Variants in DIP2C observed in about 807,000 individuals in gnomAD.
The protein encoded by DIP2C is disco-interacting protein 2 homolog C.
DIP2C carries 33 observed loss-of-function variants against 192.4 expected under a neutral mutation model. That is an observed-to-expected ratio of 0.17 (90% confidence interval 0.13 to 0.23). The LOEUF (loss-of-function observed/expected upper bound fraction) is 0.23, where lower values mean the gene tolerates loss of function less well. DIP2C is among the 10% of genes least tolerant of loss of function. The pLI, the probability that DIP2C is intolerant of heterozygous loss-of-function variation, is 1.00. For missense variants in DIP2C, 1,537 were observed against 2,110.1 expected, an observed-to-expected ratio of 0.73 and a Z score of 5.32; for synonymous variants, 979 against 864.1, an observed-to-expected ratio of 1.13 and a Z score of -2.33.
Position 275,822 on chromosome 10 carries a change from C to T in DIP2C, c.*1503G>A, listed in dbSNP as rs766870468. On this transcript the variant is annotated 3_prime_UTR_variant, in exon 37 of 37. Transcript: ENST00000280886. ...GCCAGGGCAGAAACTGGGGCGCACT[C>T]GTCCACAGGCGGCAAACGACGCAGC... 8 of 152,332 alleles carry T rather than the reference C, an allele frequency of 5.3e-5. No homozygotes were observed. Among genetic ancestry groups the T allele is most frequent in the East Asian group, 1.9e-4 (1 of 5,166 alleles). 9.4% of individuals were successfully genotyped at this position (152,332 alleles called of 1,614,324 possible). A position where few individuals can be genotyped will look rare whatever the true frequency, so the allele number is the denominator to read the frequency against.
chr10:585,115 T>A (rs990205552), intron 1 of DIP2C, among the ~76,000 whole-genome samples: 1 of 152,158 alleles, frequency 6.6e-6, no homozygotes, highest in Admixed American at 6.5e-5. Flanking sequence ...TTGGACACCA[T>A]TCAAATGGTA....
At chr10:434,322 A>AG (rs1192879389) in intron 4 of DIP2C, among the ~76,000 whole-genome samples, 14 of 152,286 alleles carry the variant, frequency 9.2e-5, no homozygotes, top group Admixed American at 6.5e-4. Context: ...TCTGTTGCCC[A>AG]GGGTGGAGTA....
At chr10:417,711 A>AGG (rs1564684954) in intron 6 of DIP2C, among the ~76,000 whole-genome samples, 4 of 83,882 alleles carry the variant, frequency 4.8e-5, no homozygotes, top group Non-Finnish European at 2.5e-5. Flanking sequence ...TGTCGGCTCA[A>AGG]ATAGGCCTCC....
chr10:451,144 C>T (rs1358626037), intron 3 of DIP2C, among the ~76,000 whole-genome samples: 3 of 152,218 alleles, frequency 2.0e-5, no homozygotes, highest in African/African-American at 7.2e-5. Context: ...GTTCCTTCTA[C>T]ACCACATCCG....
intron 31 of DIP2C, among the ~76,000 whole-genome samples, chr10:319,251 G>A (rs1452201691): frequency 2.0e-5 from 3 of 152,112 alleles, no homozygotes; most frequent in Admixed American, 1.3e-4. Context: ...CTATTACTAG[G>A]GGGGCTGTAT....
chr10:303,642 G>C (rs1445299871), intron 32 of DIP2C, among the ~76,000 whole-genome samples: 1 of 151,884 alleles, frequency 6.6e-6, no homozygotes, highest in Non-Finnish European at 1.5e-5. Context: ...TCCTGCCTCA[G>C]CCTCCCTAGT....
chr10:485,075 C>T (rs188539839), intron 2 of DIP2C: 401 of 1,222,736 alleles, frequency 3.3e-4, no homozygotes, highest in African/African-American at 2.2e-3. Flanking sequence ...CCACAGGGCA[C>T]GACCGCCCTC....
intron 4 of DIP2C, among the ~76,000 whole-genome samples, chr10:437,343 G>T (rs1967346177): frequency 7.1e-6 from 1 of 139,974 alleles, no homozygotes; most frequent in East Asian, 2.2e-4. Context: ...ATGGTAGGGT[G>T]GCCATGCTCC....
intron 1 of DIP2C, among the ~76,000 whole-genome samples, chr10:532,217 T>C (rs1159888142): frequency 6.6e-6 from 1 of 152,140 alleles, no homozygotes; most frequent in Non-Finnish European, 1.5e-5. Flanking sequence ...TCACAGGGGC[T>C]CATCCTGGAA....
rs1959090766 is a variant in DIP2C, at chr10:356,525, A to G, written c.2905-19T>C. ...ACAGGAACTGGAACAGAGCACGGGC[A>G]TGAGGATCAGGCTGTGCGGTTGGAT... On this transcript the variant is annotated intron_variant, in intron 23 of 36. Coordinates refer to ENST00000280886, the MANE Select transcript of DIP2C (RefSeq NM_014974.3). 1.2e-6 allele frequency: 2 copies of G among 1,604,532 alleles called. No individual in the cohort carries two copies. The highest frequency in any genetic ancestry group is 1.3e-5 in the African/African-American group (1 of 74,766).
intron 31 of DIP2C, among the ~76,000 whole-genome samples, chr10:311,824 G>A (rs1404962889): frequency 1.3e-5 from 2 of 152,206 alleles, no homozygotes; most frequent in Non-Finnish European, 1.5e-5. Context: ...ACATATCCAC[G>A]GAGCAACAGA....
chr10:353,710 G>A (rs543824275), intron 24 of DIP2C, among the ~76,000 whole-genome samples: 9 of 152,104 alleles, frequency 5.9e-5, no homozygotes, highest in African/African-American at 1.9e-4. Flanking sequence ...GTGACTACAC[G>A]GCCAGCAAGA....
In DIP2C at chr10:435,136, C is replaced by T. The variant is rs374237305; in HGVS notation, c.394+5735G>A. ...CCGCATAATTTATGCTTTCTGTAGT[C>T]GTCCCATAGTGCTTGGATACTCTGT... On this transcript the variant is annotated intron_variant, in intron 4 of 36. Transcript: ENST00000280886. Among the ~76,000 whole-genome samples, 8 of 152,240 alleles carry T rather than the reference C, an allele frequency of 5.3e-5. No homozygotes were observed. The East Asian group carries it at 1.4e-3, about 26-fold the overall frequency.
chr10:418,014 G>A (rs374013569), intron 6 of DIP2C, among the ~76,000 whole-genome samples: 1 of 50,178 alleles, frequency 2.0e-5, no homozygotes, highest in Non-Finnish European at 4.0e-5. Flanking sequence ...GTCAGGGCGC[G>A]GACAGGCCTC....
chr10:378,543 A>G (rs1961925442), intron 17 of DIP2C, among the ~76,000 whole-genome samples: 1 of 152,206 alleles, frequency 6.6e-6, no homozygotes, highest in African/African-American at 2.4e-5. Context: ...ACACATGTGA[A>G]CACATGCAGA....
At chr10:381,030 G>A (rs563229276) in intron 17 of DIP2C, among the ~76,000 whole-genome samples, 1 of 152,332 alleles carries the variant, frequency 6.6e-6, no homozygotes, top group South Asian at 2.1e-4. Flanking sequence ...GGAAACGCAA[G>A]TACGAGTGCT....
chr10:361,559 C>T (rs1959508781), intron 22 of DIP2C, among the ~76,000 whole-genome samples: 6 of 152,216 alleles, frequency 3.9e-5, no homozygotes, highest in Admixed American at 3.9e-4. Context: ...TGAACTACTT[C>T]CCAGCTGGGA....
At chr10:298,974 TTGATA>T (rs538021387) in intron 32 of DIP2C, among the ~76,000 whole-genome samples, 17 of 152,316 alleles carry the variant, frequency 1.1e-4, no homozygotes, top group Non-Finnish European at 2.1e-4. Context: ...AATTATAGAT[TTGATA>T]TGTTTATGAG....
rs763562069 is a variant in DIP2C, at chr10:364,622, TC to T, written c.2269-41del. On this transcript the variant is annotated intron_variant, in intron 19 of 36. Transcript: ENST00000280886. ...ATCCATCAGGCCACTGTTCATGTGG[TC>T]AGCTGGTTTTAATCCTCGCCGCTAC... 10 of 1,597,442 alleles carry T rather than the reference TC, an allele frequency of 6.3e-6. No homozygotes were observed. The South Asian group carries it at 1.1e-4, about 18-fold the overall frequency.
Sources: allele counts gnomAD v4.1 joint callset (sites outside exome capture counted in the v4.1 genomes callset), GRCh38; gene constraint gnomAD v4.1.1; transcripts MANE v1.5; gene names NCBI Gene and HGNC (gene_info 2026-07-23, HGNC 2026-07-21).